PRKCE: variants seen among roughly 807,000 people sequenced by gnomAD.
PRKCE encodes the protein protein kinase C epsilon, also known as protein kinase C epsilon type.
Under a neutral mutation model 85.4 loss-of-function variants are expected in PRKCE, and 16 were observed. That is an observed-to-expected ratio of 0.19 (90% CI 0.13 to 0.28). The LOEUF (loss-of-function observed/expected upper bound fraction) is 0.28, where lower values mean the gene tolerates loss of function less well. Ranked by LOEUF, PRKCE falls within the 10% of genes least tolerant of loss-of-function variation. The probability of loss-of-function intolerance (pLI) is 1.00; values close to 1 mark genes in which losing one functional copy is unlikely to be tolerated. For missense variants in PRKCE, 573 were observed against 975.2 expected (o/e 0.59, Z 5.49); for synonymous variants, 388 against 371.5 (o/e 1.04, Z -0.51).
intron 1 of PRKCE, among the ~76,000 whole-genome samples, chr2:45,670,454 C>T (rs543236712): frequency 2.1e-4 from 32 of 152,262 alleles, no homozygotes; most frequent in African/African-American, 7.5e-4. Flanking sequence ...TACACATTAT[C>T]AGAATGCTTT....
chr2:46,097,899 G>C (rs1271905920), intron 11 of PRKCE, among the ~76,000 whole-genome samples: 2 of 152,172 alleles, frequency 1.3e-5, no homozygotes, highest in African/African-American at 4.8e-5. Flanking sequence ...CCTAACAAAG[G>C]GGAAGGGAGG....
At chr2:46,168,981 C>T (rs200918111) in intron 14 of PRKCE, among the ~76,000 whole-genome samples, 2 of 152,130 alleles carry the variant, frequency 1.3e-5, no homozygotes, top group African/African-American at 2.4e-5. Context: ...GAGCCTGGTT[C>T]GTGTGTATTG....
At chr2:46,124,350 G>A (rs1673641825) in intron 11 of PRKCE, among the ~76,000 whole-genome samples, 1 of 152,140 alleles carries the variant, frequency 6.6e-6, no homozygotes, top group African/African-American at 2.4e-5. Flanking sequence ...AGAGATACTA[G>A]TGTTGAGTAG....
At chr2:45,925,383 A>T (rs745444930) in intron 2 of PRKCE, among the ~76,000 whole-genome samples, 1 of 151,632 alleles carries the variant, frequency 6.6e-6, no homozygotes, top group Non-Finnish European at 1.5e-5. Context: ...TGCAAACTCC[A>T]CCTCCCAGAT....
At chr2:45,896,402 A>T (rs916183324) in intron 2 of PRKCE, among the ~76,000 whole-genome samples, 2 of 152,184 alleles carry the variant, frequency 1.3e-5, no homozygotes, top group Admixed American at 6.5e-5. Flanking sequence ...AGGGAGTTAA[A>T]AGAGTTTTTG....
intron 1 of PRKCE, among the ~76,000 whole-genome samples, chr2:45,772,826 C>T (rs1262286288): frequency 2.0e-5 from 3 of 152,080 alleles, no homozygotes; most frequent in South Asian, 2.1e-4. Context: ...GTGTCCTCCT[C>T]CCATTCTTAG....
At chr2:45,699,966 G>T (rs538663835) in intron 1 of PRKCE, among the ~76,000 whole-genome samples, 1 of 152,222 alleles carries the variant, frequency 6.6e-6, no homozygotes, top group South Asian at 2.1e-4. Context: ...TGGGGTGATA[G>T]CTCTCTGGTT....
intron 2 of PRKCE, among the ~76,000 whole-genome samples, chr2:45,949,565 T>C (rs1370727674): frequency 1.3e-5 from 2 of 152,082 alleles, no homozygotes; most frequent in South Asian, 4.1e-4. Context: ...AGTCTTACAT[T>C]TTAATGATCA....
At chr2:46,055,833 G>A (rs904449444) in intron 10 of PRKCE, among the ~76,000 whole-genome samples, 1 of 152,070 alleles carries the variant, frequency 6.6e-6, no homozygotes, top group Non-Finnish European at 1.5e-5. Context: ...TAGCTAATTT[G>A]TATAGTTTTG....
At chr2:45,756,966 T>G (rs142667460) in intron 1 of PRKCE, among the ~76,000 whole-genome samples, 2 of 152,132 alleles carry the variant, frequency 1.3e-5, no homozygotes, top group African/African-American at 4.8e-5. Context: ...TTAAAGAGTG[T>G]TCAGCTGGGC....
chr2:45,918,033 C>T (rs1293853019), intron 2 of PRKCE, among the ~76,000 whole-genome samples: 1 of 152,250 alleles, frequency 6.6e-6, no homozygotes, highest in Admixed American at 6.5e-5. Context: ...CGCGCGCAGC[C>T]CCGGTTCCCG....
chr2:46,125,109 T>C (rs1178106734), intron 11 of PRKCE, among the ~76,000 whole-genome samples: 1 of 152,238 alleles, frequency 6.6e-6, no homozygotes, highest in Non-Finnish European at 1.5e-5. Context: ...TGTCTGCATG[T>C]AAGCTTTAGA....
At chr2:46,170,621 C>G (rs80067637) in intron 14 of PRKCE, among the ~76,000 whole-genome samples, 4,168 of 152,250 alleles carry the variant, frequency 0.027, 81 homozygotes, top group Non-Finnish European at 0.038. Flanking sequence ...TTTTTCAGCT[C>G]TATCTCAAAA....
intron 5 of PRKCE, among the ~76,000 whole-genome samples, chr2:45,983,423 C>T (rs551954968): frequency 1.1e-4 from 17 of 152,092 alleles, no homozygotes; most frequent in African/African-American, 3.1e-4. Flanking sequence ...GGTCTCCTGC[C>T]GATACTGAGA....
At chr2:45,676,563 C>T (rs754284275) in intron 1 of PRKCE, among the ~76,000 whole-genome samples, 17 of 152,328 alleles carry the variant, frequency 1.1e-4, no homozygotes, top group Non-Finnish European at 2.4e-4. Flanking sequence ...AACTCTGATC[C>T]ATACATGGAA....
At chr2:45,694,516 T>C (rs1290536235) in intron 1 of PRKCE, among the ~76,000 whole-genome samples, 1 of 152,216 alleles carries the variant, frequency 6.6e-6, no homozygotes, top group African/African-American at 2.4e-5. Context: ...CCTGTCTTCA[T>C]GGAACTTATG....
chr2:45,910,208 C>G (rs1475302810), intron 2 of PRKCE, among the ~76,000 whole-genome samples: 1 of 152,084 alleles, frequency 6.6e-6, no homozygotes. Context: ...GAAAAACATC[C>G]CATGTAACTG....
intron 2 of PRKCE, among the ~76,000 whole-genome samples, chr2:45,887,412 G>A (rs758048737): frequency 1.3e-5 from 2 of 152,032 alleles, no homozygotes; most frequent in Admixed American, 6.6e-5. Context: ...ATATATCACA[G>A]CAAACAAGAG....
At chr2:46,069,020 AT>A (rs1667853430) in intron 10 of PRKCE, among the ~76,000 whole-genome samples, 1 of 152,242 alleles carries the variant, frequency 6.6e-6, no homozygotes, top group Non-Finnish European at 1.5e-5. Flanking sequence ...GAATTATGCT[AT>A]AAAAACTGTC....
Sources: allele counts gnomAD v4.1 joint callset (sites outside exome capture counted in the v4.1 genomes callset), GRCh38; gene constraint gnomAD v4.1.1; transcripts MANE v1.5; gene names NCBI Gene and HGNC (gene_info 2026-07-23, HGNC 2026-07-21).